VPS41: variants seen among roughly 807,000 people sequenced by gnomAD.
The protein encoded by VPS41 is vacuolar protein sorting-associated protein 41 homolog.
A neutral mutation model predicts 130.9 loss-of-function variants in VPS41; 85 were observed. That is an observed-to-expected ratio of 0.65 (90% CI 0.55 to 0.78). The LOEUF is 0.78. Ranked by LOEUF, VPS41 falls within the 30% of genes least tolerant of loss-of-function variation. The probability of loss-of-function intolerance (pLI) is 0.00; values close to 1 mark genes in which losing one functional copy is unlikely to be tolerated. For missense variants in VPS41, 874 were observed against 1,018.7 expected, an observed-to-expected ratio of 0.86 and a Z score of 1.93; for synonymous variants, 335 against 332.9, an observed-to-expected ratio of 1.01 and a Z score of -0.07.
chr7:38,887,117 T>C (rs1452935001), intron 2 of VPS41, among the ~76,000 whole-genome samples: 1 of 152,128 alleles, frequency 6.6e-6, no homozygotes, highest in Non-Finnish European at 1.5e-5. Flanking sequence ...AAAACACCTC[T>C]TCTCCTCCAA....
At chr7:38,731,784 T>TA (rs3214227) in intron 25 of VPS41, among the ~76,000 whole-genome samples, 3 of 151,382 alleles carry the variant, frequency 2.0e-5, no homozygotes, top group Non-Finnish European at 4.4e-5. Flanking sequence ...TATGAAATAT[T>TA]AAAAAAAAAC....
intron 2 of VPS41, among the ~76,000 whole-genome samples, chr7:38,890,688 T>C (rs1183547796): frequency 6.7e-6 from 1 of 148,732 alleles, no homozygotes; most frequent in African/African-American, 2.5e-5. Flanking sequence ...ATTTTTCCCT[T>C]TTTTTTTTTC....
At chr7:38,728,830 G>T (rs755750257) in intron 25 of VPS41, 39 bp from the exon 26 acceptor site, 1 of 1,583,234 alleles carries the variant, frequency 6.3e-7, no homozygotes, top group South Asian at 1.1e-5. Context: ...ATCTTAAGTA[G>T]ACTCAAATCT....
At chr7:38,876,618 C>T (rs1000459324) in intron 2 of VPS41, among the ~76,000 whole-genome samples, 4 of 152,142 alleles carry the variant, frequency 2.6e-5, no homozygotes, top group Non-Finnish European at 4.4e-5. Context: ...GTTCAACATC[C>T]TCTTCAACAC....
intron 4 of VPS41, among the ~76,000 whole-genome samples, chr7:38,830,785 G>A (rs956778388): frequency 4.6e-5 from 7 of 152,050 alleles, no homozygotes; most frequent in Admixed American, 4.6e-4. Context: ...CCACATGAGC[G>A]ACACCCCTGA....
chr7:38,791,784 AG>A (rs35730188), intron 9 of VPS41, among the ~76,000 whole-genome samples: 1 of 152,154 alleles, frequency 6.6e-6, no homozygotes, highest in Non-Finnish European at 1.5e-5. Context: ...ATGGGCAAGG[AG>A]GGGACTGACC....
intron 7 of VPS41, among the ~76,000 whole-genome samples, chr7:38,813,333 A>C (rs1784980253): frequency 6.6e-6 from 1 of 152,152 alleles, no homozygotes; most frequent in Non-Finnish European, 1.5e-5. Context: ...GAAAGAAAAT[A>C]GATTAGTGGT....
chr7:38,880,771 T>C (rs993849690), intron 2 of VPS41, among the ~76,000 whole-genome samples: 1 of 152,228 alleles, frequency 6.6e-6, no homozygotes, highest in Non-Finnish European at 1.5e-5. Flanking sequence ...AGATTTGTTA[T>C]AGCATTTCTT....
At chr7:38,850,621 G>GTGT (rs1785834025) in intron 4 of VPS41, among the ~76,000 whole-genome samples, 1 of 152,134 alleles carries the variant, frequency 6.6e-6, no homozygotes, top group South Asian at 2.1e-4. Context: ...AGACTGGTAA[G>GTGT]TATTAAATTT....
Position 38,867,799 on chromosome 7 carries a change from C to T in VPS41, c.168+1347G>A, listed in dbSNP as rs186684400. 4.6e-5 allele frequency among the ~76,000 whole-genome samples: 7 copies of T among 152,226 alleles called. 1 individual carries two copies. In the East Asian group the frequency reaches 1.4e-3, roughly 29 times the overall value. ...TTTACCTAGGTGTGTGAGTCTATAC[C>T]AGCACATGGCTGCACTTGTCATGAA... On this transcript the variant is annotated intron_variant, in intron 3 of 28. Coordinates refer to ENST00000310301, the MANE Select transcript of VPS41 (RefSeq NM_014396.4).
chr7:38,859,058 C>T (rs192227453), intron 4 of VPS41, among the ~76,000 whole-genome samples: 1 of 151,750 alleles, frequency 6.6e-6, no homozygotes, highest in East Asian at 1.9e-4. Flanking sequence ...CCTGGGTAGG[C>T]CTAGGCTAAT....
chr7:38,731,807 A>G (rs907538190), intron 25 of VPS41, among the ~76,000 whole-genome samples: 5 of 152,184 alleles, frequency 3.3e-5, no homozygotes, highest in Admixed American at 6.5e-5. Flanking sequence ...AAAACAAAAA[A>G]AGACCCAGTC....
intron 10 of VPS41, among the ~76,000 whole-genome samples, chr7:38,789,588 G>A (rs1784497728): frequency 6.6e-6 from 1 of 152,148 alleles, no homozygotes; most frequent in African/African-American, 2.4e-5. Context: ...AGAACGATGT[G>A]GAGGAACTGA....
intron 3 of VPS41, among the ~76,000 whole-genome samples, chr7:38,868,917 T>C (rs2116336750): frequency 6.6e-6 from 1 of 152,354 alleles, no homozygotes; most frequent in Middle Eastern, 3.4e-3. Flanking sequence ...CTTTGATCAC[T>C]GTCTACATTC....
At chr7:38,740,290 A>G (rs1795855637) in intron 25 of VPS41, among the ~76,000 whole-genome samples, 1 of 152,168 alleles carries the variant, frequency 6.6e-6, no homozygotes, top group African/African-American at 2.4e-5. Context: ...TCAATGAAGT[A>G]AAGGTCATTA....
intron 7 of VPS41, among the ~76,000 whole-genome samples, chr7:38,799,076 T>C (rs1784677091): frequency 6.6e-6 from 1 of 152,072 alleles, no homozygotes; most frequent in Admixed American, 6.5e-5. Flanking sequence ...TCCCCAAGCA[T>C]GTAGCCAGCA....
chr7:38,872,191 A>G (rs186564104), intron 2 of VPS41, among the ~76,000 whole-genome samples: 131 of 152,290 alleles, frequency 8.6e-4, no homozygotes, highest in Non-Finnish European at 1.6e-3. Context: ...TGTTGGCAGA[A>G]GTTGCCAACA....
chr7:38,812,620 A>G (rs569374240), intron 7 of VPS41, among the ~76,000 whole-genome samples: 1 of 152,312 alleles, frequency 6.6e-6, no homozygotes, highest in Non-Finnish European at 1.5e-5. Context: ...ATAGGCTGGG[A>G]AAAAATATTT....
intron 9 of VPS41, 73 bp from the exon 10 acceptor site, chr7:38,789,940 G>A (rs2115945395): frequency 3.3e-6 from 5 of 1,505,730 alleles, no homozygotes; most frequent in Non-Finnish European, 4.6e-6. Flanking sequence ...TCAGTATATG[G>A]TATCTTTGTT....
Sources: gnomAD v4.1 joint callset for allele counts (sites outside exome capture counted in the v4.1 genomes callset) on GRCh38, gnomAD v4.1.1 for gene constraint, MANE v1.5 for transcripts, NCBI Gene and HGNC (gene_info 2026-07-23, HGNC 2026-07-21) for gene names.